BCL9L: variants seen among roughly 807,000 people sequenced by gnomAD.
The protein encoded by BCL9L is BCL9 like, also known as B-cell CLL/lymphoma 9-like protein.
A neutral mutation model predicts 99.4 loss-of-function variants in BCL9L; 19 were observed. The observed-to-expected ratio is 0.19, with a 90% CI of 0.13 to 0.28. The LOEUF (loss-of-function observed/expected upper bound fraction) is 0.28. BCL9L is among the 10% of genes least tolerant of loss of function. BCL9L has a pLI of 1.00. For synonymous variants in BCL9L, 900 were observed against 854.8 expected (o/e 1.05, Z -0.92); for missense variants, 2,023 against 2,101.6 (o/e 0.96, Z 0.73).
Position 118,898,294 on chromosome 11 carries a change from G to GCCCCCACCCCCCCCCCCCCCCCCC in BCL9L, c.*120_*121insGGGGGGGGGGGGGGGGGGTGGGGG. 3 of 452,312 alleles carry GCCCCCACCCCCCCCCCCCCCCCCC rather than the reference G, an allele frequency of 6.6e-6. 1 individual carries two copies. The highest frequency in any genetic ancestry group is 4.1e-6 in the Non-Finnish European group (1 of 244,762). 28.0% of individuals were successfully genotyped at this position (452,312 alleles called of 1,614,324 possible). A position where few individuals can be genotyped will look rare whatever the true frequency, so the allele number is the denominator to read the frequency against. ...TCCACAAATGCCACTCCCTACACAA[G>GCCCCCACCCCCCCCCCCCCCCCCC]CCCCCTCCCACCCCCTCCACCCCAC... On this transcript the variant is annotated 3_prime_UTR_variant, in exon 10 of 10. Coordinates refer to ENST00000683865, the MANE Select transcript of BCL9L (RefSeq NM_001378213.1).
Position 118,898,345 on chromosome 11 carries a change from T to C in BCL9L, c.*70A>G. On this transcript the variant is annotated 3_prime_UTR_variant, in exon 10 of 10. Coordinates refer to ENST00000683865, the MANE Select transcript of BCL9L (RefSeq NM_001378213.1). Reference sequence around the variant, plus strand: ...CCCGCGACCCAGGCCATCCCAACATTGAGGGGAAGAACTTTGTTAAGGTTA... The same window carrying C: ...CCCGCGACCCAGGCCATCCCAACATCGAGGGGAAGAACTTTGTTAAGGTTA... 3.5e-6 allele frequency: 4 copies of C among 1,140,072 alleles called. No individual in the cohort carries two copies. In the South Asian group the frequency reaches 4.3e-5, roughly 12 times the overall value. The allele number at this position is 1,140,072 out of a possible 1,614,324, so 70.6% of individuals were successfully genotyped here.
Position 118,899,142 on chromosome 11 carries a change from C to A in BCL9L, c.3773G>T (p.Gly1258Val). The change falls in exon 10 of 10, where the codon GGC becomes GTC. Residue 1258 changes from glycine (G) to valine (V), a missense_variant. By Grantham distance (109) the Gly-to-Val change is moderately radical. Transcript: ENST00000683865. The stretch of plus-strand genomic sequence containing the variant: ...CAGGTCCTCGGGAGGCAGGGCCATG[C>A]CTGACGGGTAGTGCTGCTGCAGGCC... ...GPGLQQHYPS[G>V]MALPPEDLPN... is the part of the protein sequence containing the mutation. The A allele has an allele frequency of 6.6e-7, 1 of 1,520,824 alleles. No homozygotes were observed. Among genetic ancestry groups the A allele is most frequent in the Non-Finnish European group, 8.8e-7 (1 of 1,131,796 alleles). 94.2% of individuals were successfully genotyped at this position (1,520,824 alleles called of 1,614,324 possible).
chr11:118,913,842 A>T (rs1187448484), intron 2 of BCL9L, among the ~76,000 whole-genome samples: 1 of 152,168 alleles, frequency 6.6e-6, no homozygotes, highest in Non-Finnish European at 1.5e-5. Flanking sequence ...AGAGGGAGCC[A>T]GGCTGGCAGG....
At chr11:118,910,911 A>G (rs979113849) in intron 2 of BCL9L, 1 of 208,156 alleles carries the variant, frequency 4.8e-6, no homozygotes, top group African/African-American at 2.8e-5. Context: ...CACGGAGCCC[A>G]GGAAGCTAGA....
chr11:118,899,523 AGACAGGGGGTCAGGCAC>A lies in BCL9L; in HGVS notation c.3407-32_3407-16del, dbSNP rs1431402904. 8.7e-6 allele frequency: 14 copies of A among 1,605,808 alleles called. No individual in the cohort carries two copies. The highest frequency in any genetic ancestry group is 1.2e-5 in the Non-Finnish European group (14 of 1,177,830). On this transcript the variant is annotated splice_polypyrimidine_tract_variant and intron_variant, in intron 9 of 9. Transcript: ENST00000683865. The stretch of plus-strand genomic sequence containing the variant: ...GTTGCTGATCCCTGTAGGGAATAGA[AGACAGGGGGTCAGGCAC>A]GGTGTGCCCAGCTCGGGGAGGGTGC...
Position 118,900,859 on chromosome 11 carries a change from C to A in BCL9L, c.2884G>T (p.Val962Leu). 1 of 1,611,552 alleles carries A rather than the reference C, an allele frequency of 6.2e-7. No individual in the cohort carries two copies. Among genetic ancestry groups the A allele is most frequent in the Non-Finnish European group, 8.5e-7 (1 of 1,178,254 alleles). The stretch of plus-strand genomic sequence containing the variant: ...GGCGGGTTGGCAGAAGGCAAGGGCA[C>A]CATCTGTGAGGGAGTCTGGGGTGAC... The part of the protein sequence containing the change: ...LKSPQTPSQM[V>L]PLPSANPPGP... The change falls in exon 8 of 10, where the codon GTG becomes TTG. Residue 962 changes from valine (V) to leucine (L), a missense_variant. Around this residue, in one of 3 missense-constraint regions of BCL9L, gnomAD observed 902 missense variants for 888.2 expected, o/e 1.02. Transcript: ENST00000683865. This position sits in a 1 kb window ranked among gnomAD's most constrained non-coding sequence, Gnocchi z 5.3.
At position 118,903,037 on chromosome 11, in the gene BCL9L, T is replaced by C; in HGVS notation, c.787A>G (p.Ile263Val). The C allele has an allele frequency of 1.3e-6, 2 of 1,593,174 alleles. No individual in the cohort carries two copies. The highest frequency in any genetic ancestry group is 1.7e-6 in the Non-Finnish European group (2 of 1,173,976). ...ACGTTCTGCTGGTGGTAGGCGAGGA[T>C]GGAGTCGGCCCGGCCCTGCAGCACT... is the stretch of plus-strand genomic sequence containing the variant. ...EAVLQGRADS[I>V]LAYHQQNVPR... Residue 263 changes from isoleucine (I) to valine (V), a missense_variant, in exon 7 of 10, where the codon ATC (isoleucine) becomes GTC (valine). Coordinates refer to ENST00000683865, the MANE Select transcript of BCL9L (RefSeq NM_001378213.1). This position sits in a 1 kb window ranked among gnomAD's most constrained non-coding sequence, Gnocchi z 5.6.
chr11:118,898,528 G>A lies in BCL9L; in HGVS notation c.4387C>T (p.Pro1463Ser). The A allele has an allele frequency of 6.2e-7, 1 of 1,600,638 alleles. No individual in the cohort carries two copies. Among genetic ancestry groups the A allele is most frequent in the Non-Finnish European group, 8.5e-7 (1 of 1,170,958 alleles). ...LSPQGSLMGP[P>S]PQQNLMVSHP... is the part of the protein sequence containing the mutation. Reference sequence around the variant, plus strand: ...GACACCATGAGGTTCTGCTGGGGCGGGGGGCCCATGAGGGAGCCCTGCGGG... The same window carrying A: ...GACACCATGAGGTTCTGCTGGGGCGAGGGGCCCATGAGGGAGCCCTGCGGG... The change falls in exon 10 of 10, where the codon CCG becomes TCG. Residue 1463 changes from proline to serine, a missense_variant. Pro to Ser is a moderately conservative substitution (Grantham distance 74). Coordinates refer to ENST00000683865, the MANE Select transcript of BCL9L (RefSeq NM_001378213.1).
In BCL9L at chr11:118,898,451, G is replaced by A. The variant is rs760452494; in HGVS notation, c.4464C>T (p.Leu1488=). The change falls in exon 10 of 10, where the codon CTC becomes CTT. Residue 1488 remains leucine, a synonymous_variant. Transcript: ENST00000683865. The stretch of plus-strand genomic sequence containing the variant: ...GGTTGGCCATGCCGCCTGGTGCCGG[G>A]AGGTAGCCCATCTGGCTGTCCAGGG... ...SVSLDSQMGY[L]PAPGGMANLP... is the part of the protein sequence containing the mutation. The A allele has an allele frequency of 1.2e-6, 2 of 1,606,798 alleles. No homozygotes were observed. Among genetic ancestry groups the A allele is most frequent in the South Asian group, 2.2e-5 (2 of 90,914 alleles).
chr11:118,924,233 G>A (rs749310272), intron 1 of BCL9L, among the ~76,000 whole-genome samples: 15 of 151,966 alleles, frequency 9.9e-5, no homozygotes, highest in Non-Finnish European at 1.6e-4. Flanking sequence ...GATCCAGGGA[G>A]GCTTGGAACC....
intron 5 of BCL9L, among the ~76,000 whole-genome samples, chr11:118,905,136 C>T (rs1182758977): frequency 1.3e-5 from 2 of 152,150 alleles, no homozygotes; most frequent in Non-Finnish European, 2.9e-5. Flanking sequence ...ACCTGGGTTG[C>T]AAACGAAGGC....
At chr11:118,904,501 G>A (rs1940425434) in intron 5 of BCL9L, among the ~76,000 whole-genome samples, 1 of 152,116 alleles carries the variant, frequency 6.6e-6, no homozygotes, top group African/African-American at 2.4e-5. Flanking sequence ...TGACATACTG[G>A]AAACACTCTC....
chr11:118,917,389 G>C (rs1272083539), intron 2 of BCL9L, among the ~76,000 whole-genome samples: 1 of 152,188 alleles, frequency 6.6e-6, no homozygotes, highest in African/African-American at 2.4e-5. Flanking sequence ...TTAATCCTCA[G>C]AACAATCTGG....
chr11:118,904,899 C>T (rs1222841823), intron 5 of BCL9L, among the ~76,000 whole-genome samples: 1 of 152,178 alleles, frequency 6.6e-6, no homozygotes, highest in Non-Finnish European at 1.5e-5. Flanking sequence ...TGCGGGGGAG[C>T]TTGAGAGCTG....
chr11:118,897,593 G>T lies in BCL9L; in HGVS notation c.*822C>A, dbSNP rs1359001827. On this transcript the variant is annotated 3_prime_UTR_variant, in exon 10 of 10. Coordinates refer to ENST00000683865, the MANE Select transcript of BCL9L (RefSeq NM_001378213.1). Reference sequence around the variant, plus strand: ...TGGTCTGACCTCAGTTTAGGAGTGGGTCATTTACGTCATCTTACCATTTGG... The same window carrying T: ...TGGTCTGACCTCAGTTTAGGAGTGGTTCATTTACGTCATCTTACCATTTGG... The T allele has an allele frequency of 5.5e-6, 2 of 361,666 alleles. No individual in the cohort carries two copies. The highest frequency in any genetic ancestry group is 1.1e-5 in the Non-Finnish European group (2 of 183,946). 22.4% of individuals were successfully genotyped at this position (361,666 alleles called of 1,614,324 possible). A position where few individuals can be genotyped will look rare whatever the true frequency, so the allele number is the denominator to read the frequency against.
Position 118,898,304 on chromosome 11 carries a change from A to ACCCCCCCCCCCCCCCCCCCCCCCCCC in BCL9L, c.*110_*111insGGGGGGGGGGGGGGGGGGGGGGGGGG. On this transcript the variant is annotated 3_prime_UTR_variant, in exon 10 of 10. Transcript: ENST00000683865. ...CCACTCCCTACACAAGCCCCCTCCCACCCCCTCCACCCCACCCCGCGACCC... is the reference window on the plus strand; with the variant it reads ...CCACTCCCTACACAAGCCCCCTCCCACCCCCCCCCCCCCCCCCCCCCCCCCCCCCCCTCCACCCCACCCCGCGACCC... 1.0e-5 allele frequency: 2 copies of ACCCCCCCCCCCCCCCCCCCCCCCCCC among 193,448 alleles called. No individual in the cohort carries two copies. The allele number at this position is 193,448 out of a possible 1,614,324, so 12.0% of individuals were successfully genotyped here. A position where few individuals can be genotyped will look rare whatever the true frequency, so the allele number is the denominator to read the frequency against.
rs771844809 is a variant in BCL9L, at chr11:118,902,376, G to A, written c.1367C>T (p.Thr456Met). 43 of 1,542,980 alleles carry A rather than the reference G, an allele frequency of 2.8e-5. No homozygotes were observed. In the Admixed American group the frequency reaches 2.9e-4, roughly 10 times the overall value. The change falls in exon 8 of 10, where the codon ACG becomes ATG. Residue 456 changes from threonine (T) to methionine (M), a missense_variant. This residue lies in a region of BCL9L where 1,116 missense variants were observed against 1,194.6 expected (regional missense o/e 0.93). Transcript: ENST00000683865. The surrounding 1 kb of genome is among the most constrained non-coding windows in gnomAD (Gnocchi z 7.8). ...TTTCTTCAGCCCGCTGGGAGGGGCC[G>A]TGGGTGGCTGCTGGGGGGGAGGGGG... Reference protein sequence around the residue: ...QAPPPPQQPPTAPPSGLKKYE... With the variant: ...QAPPPPQQPPMAPPSGLKKYE...
At chr11:118,913,461 G>C (rs886614003) in intron 2 of BCL9L, among the ~76,000 whole-genome samples, 4 of 152,312 alleles carry the variant, frequency 2.6e-5, no homozygotes, top group Admixed American at 2.0e-4. Context: ...GGCTCCTACA[G>C]TCATTGTCAG....
In BCL9L at chr11:118,922,056, GC is replaced by G. The variant is rs1230415046; in HGVS notation, c.-130-3178del. ...GGGAGACTGAGGCAGTGTAACACAT[GC>G]CCACACCCAGGAAGTCGCCCCTCCC... On this transcript the variant is annotated intron_variant, in intron 1 of 9. Transcript: ENST00000683865. The surrounding 1 kb of genome is among the most constrained non-coding windows in gnomAD (Gnocchi z 6.2). 2.6e-5 allele frequency among the ~76,000 whole-genome samples: 4 copies of G among 152,128 alleles called. No homozygotes were observed. Among genetic ancestry groups the G allele is most frequent in the African/African-American group, 4.8e-5 (2 of 41,408 alleles).
Sources: allele counts gnomAD v4.1 joint callset (sites outside exome capture counted in the v4.1 genomes callset), GRCh38; gene constraint gnomAD v4.1.1; regional missense constraint gnomAD v4.1.1; non-coding constraint Gnocchi (gnomAD v3.1); transcripts MANE v1.5; gene names NCBI Gene and HGNC (gene_info 2026-07-23, HGNC 2026-07-21).